TRAF3: variants seen among roughly 807,000 people sequenced by gnomAD.
TRAF3 encodes the protein TNF receptor-associated factor 3.
TRAF3 carries 13 observed loss-of-function variants against 62.3 expected under a neutral mutation model. The ratio of observed to expected loss-of-function variants is 0.21; its 90% CI spans 0.14 to 0.33. TRAF3 has a LOEUF of 0.33. Among genes scored for constraint, TRAF3 ranks in the 10% least tolerant of loss-of-function variants. TRAF3 has a pLI of 1.00. For synonymous variants in TRAF3, 269 were observed against 283.4 expected (o/e 0.95, Z 0.51); for missense variants, 440 against 741.8 (o/e 0.59, Z 4.73).
At chr14:102,879,712 T>C (rs924265176) in intron 6 of TRAF3, among the ~76,000 whole-genome samples, 2 of 150,146 alleles carry the variant, frequency 1.3e-5, no homozygotes, top group Admixed American at 1.3e-4. Context: ...ACCAACTAAA[T>C]ACTTTATAAT....
At chr14:102,811,550 GT>G (rs35064640) in intron 1 of TRAF3, among the ~76,000 whole-genome samples, 12,581 of 79,638 alleles carry the variant, frequency 0.16, 358 homozygotes, top group Admixed American at 0.2. Flanking sequence ...GCTGTAGGCG[GT>G]TTTTTTTTTT....
rs1476303533 is a variant in TRAF3, at chr14:102,907,903, C to T, written c.*2119C>T. On this transcript the variant is annotated 3_prime_UTR_variant, in exon 12 of 12. Coordinates refer to ENST00000392745, the MANE Select transcript of TRAF3 (RefSeq NM_145725.3). ...TGTGAGGGAGTCGTGTGTCCCTGCTCATAAAGGAAGGACTTCCTGCAGAAG... is the reference window on the plus strand; with the variant it reads ...TGTGAGGGAGTCGTGTGTCCCTGCTTATAAAGGAAGGACTTCCTGCAGAAG... 1 of 152,258 alleles carries T rather than the reference C, an allele frequency of 6.6e-6. No individual in the cohort carries two copies. Among genetic ancestry groups the T allele is most frequent in the Non-Finnish European group, 1.5e-5 (1 of 68,052 alleles). The allele number at this position is 152,258 out of a possible 1,614,324, so 9.4% of individuals were successfully genotyped here.
rs533799890 is a variant in TRAF3 at position 102,899,978 on chromosome 14, G to T, written c.960+2577G>T. ...GCGGATCATGAGGTCAGGAGATCGA[G>T]ACCATCCTGGCTAACACGGTGAAAC... On this transcript the variant is annotated intron_variant, in intron 10 of 11. Transcript: ENST00000392745. 5.3e-5 allele frequency among the ~76,000 whole-genome samples: 8 copies of T among 151,958 alleles called. No individual in the cohort carries two copies. The South Asian group carries it at 1.7e-3, about 32-fold the overall frequency.
chr14:102,852,917 A>G (rs1887132423), intron 2 of TRAF3, among the ~76,000 whole-genome samples: 1 of 151,692 alleles, frequency 6.6e-6, no homozygotes, highest in African/African-American at 2.4e-5. Context: ...TTTTTGAGAC[A>G]GAGTCTCACT....
intron 2 of TRAF3, 39 bp from the exon 3 acceptor site, chr14:102,870,146 G>T (rs1338308524): frequency 6.2e-7 from 1 of 1,613,538 alleles, no homozygotes; most frequent in African/African-American, 1.3e-5. Flanking sequence ...TTCCTTGCAT[G>T]AGAGGATATG....
At chr14:102,827,943 C>T (rs1434723108) in intron 1 of TRAF3, among the ~76,000 whole-genome samples, 1 of 152,210 alleles carries the variant, frequency 6.6e-6, no homozygotes, top group African/African-American at 2.4e-5. Context: ...CCCAGGAGCC[C>T]CTCAGCAGGG....
chr14:102,799,328 C>G (rs1417333599), intron 1 of TRAF3, among the ~76,000 whole-genome samples: 1 of 152,204 alleles, frequency 6.6e-6, no homozygotes, highest in Admixed American at 6.5e-5. Flanking sequence ...CTTAGCATCT[C>G]GTGAGCATAA....
rs1013894639 is a variant in TRAF3 at position 102,903,657 on chromosome 14, G to A, written c.1135+228G>A. 46 of 691,934 alleles carry A rather than the reference G, an allele frequency of 6.6e-5. No homozygotes were observed. Among genetic ancestry groups the A allele is most frequent in the Middle Eastern group, 2.4e-4 (1 of 4,224 alleles). The allele number at this position is 691,934 out of a possible 1,614,324, so 42.9% of individuals were successfully genotyped here. A position where few individuals can be genotyped will look rare whatever the true frequency, so the allele number is the denominator to read the frequency against. ...CCCTCCGTGTGAGGCCCTACATGGT[G>A]TAGAAAGTAGGGGCAGCTGCAGCCA... On this transcript the variant is annotated intron_variant, in intron 11 of 11. Transcript: ENST00000392745. The surrounding 1 kb of genome is among the most constrained non-coding windows in gnomAD (Gnocchi z 6.4).
chr14:102,862,672 C>T (rs1051743295), intron 2 of TRAF3, among the ~76,000 whole-genome samples: 5 of 152,244 alleles, frequency 3.3e-5, no homozygotes, highest in Admixed American at 6.5e-5. Flanking sequence ...CAGGACTTTT[C>T]TACCATTATT....
intron 2 of TRAF3, among the ~76,000 whole-genome samples, chr14:102,834,479 A>C (rs980803802): frequency 6.6e-6 from 1 of 152,006 alleles, no homozygotes; most frequent in Admixed American, 6.5e-5. Context: ...TGGGTGGATC[A>C]TGAGGTCAGG....
At position 102,905,704 on chromosome 14, in the gene TRAF3, C is replaced by A; in HGVS notation, c.1627C>A (p.Leu543Ile). The A allele has an allele frequency of 6.2e-7, 1 of 1,612,416 alleles. No homozygotes were observed. The highest frequency in any genetic ancestry group is 1.3e-5 in the African/African-American group (1 of 74,972). ...CCCAGTCTTTGTGGCCCAAACTGTT[C>A]TAGAAAATGGGACATATATTAAAGA... ...GCPVFVAQTV[L>I]ENGTYIKDDT... The change falls in exon 12 of 12, where the codon CTA (leucine) becomes ATA (isoleucine). Residue 543 changes from leucine (L) to isoleucine (I), a missense_variant. Leu to Ile is a conservative substitution (Grantham distance 5). Coordinates refer to ENST00000392745, the MANE Select transcript of TRAF3 (RefSeq NM_145725.3).
intron 1 of TRAF3, among the ~76,000 whole-genome samples, chr14:102,788,844 G>A (rs1321239245): frequency 6.6e-6 from 1 of 152,100 alleles, no homozygotes; most frequent in South Asian, 2.1e-4. Context: ...GCTTGAGCCT[G>A]TATGTAGTCC....
chr14:102,858,025 C>T (rs371557091), intron 2 of TRAF3, among the ~76,000 whole-genome samples: 4 of 152,234 alleles, frequency 2.6e-5, no homozygotes, highest in South Asian at 2.1e-4. Flanking sequence ...TGATCAGCAA[C>T]GTTTTAAGCA....
At chr14:102,884,918 T>A (rs1273622971) in intron 6 of TRAF3, among the ~76,000 whole-genome samples, 1 of 152,174 alleles carries the variant, frequency 6.6e-6, no homozygotes, top group Non-Finnish European at 1.5e-5. Context: ...TGCCAAAGAT[T>A]GTGCGATAGA....
chr14:102,910,857 C>T lies in TRAF3; in HGVS notation c.*5073C>T, dbSNP rs1037208471. On this transcript the variant is annotated 3_prime_UTR_variant, in exon 12 of 12. Transcript: ENST00000392745. ...TGATGACTGGATTTGACAACTTAGTCCCCTCAGACAAGTAAGATACCCTCC... is the reference window on the plus strand; with the variant it reads ...TGATGACTGGATTTGACAACTTAGTTCCCTCAGACAAGTAAGATACCCTCC... 6.6e-6 allele frequency: 1 copy of T among 152,200 alleles called. No individual in the cohort carries two copies. Among genetic ancestry groups the T allele is most frequent in the African/African-American group, 2.4e-5 (1 of 41,444 alleles). The allele number at this position is 152,200 out of a possible 1,614,324, so 9.4% of individuals were successfully genotyped here. A position where few individuals can be genotyped will look rare whatever the true frequency, so the allele number is the denominator to read the frequency against.
intron 1 of TRAF3, among the ~76,000 whole-genome samples, chr14:102,808,202 G>A (rs1898891298): frequency 6.6e-6 from 1 of 152,100 alleles, no homozygotes; most frequent in Admixed American, 6.5e-5. Flanking sequence ...GTTTCGCAAT[G>A]GAGATGGATG....
chr14:102,783,897 A>G (rs1278613111), intron 1 of TRAF3, among the ~76,000 whole-genome samples: 1 of 152,212 alleles, frequency 6.6e-6, no homozygotes, highest in African/African-American at 2.4e-5. Context: ...CACCAGGGAC[A>G]TCACTTGCTT....
At position 102,870,196 on chromosome 14, in the gene TRAF3, C is replaced by T. The variant is rs190521973; in HGVS notation, c.-6C>T. The T allele has an allele frequency of 6.2e-7, 1 of 1,614,128 alleles. No homozygotes were observed. The highest frequency in any genetic ancestry group is 1.1e-5 in the South Asian group (1 of 91,070). ...TTTTTTCCCGACAGAACTCCTCTTT[C>T]CTAAAATGGAGTCGAGTAAAAAGAT... On this transcript the variant is annotated 5_prime_UTR_variant, in exon 3 of 12. Transcript: ENST00000392745.
intron 6 of TRAF3, among the ~76,000 whole-genome samples, chr14:102,884,313 C>T (rs1392795657): frequency 6.6e-6 from 1 of 152,088 alleles, no homozygotes; most frequent in Non-Finnish European, 1.5e-5. Context: ...AGGGTCTGCC[C>T]GACGCCAGGG....
Sources: gnomAD v4.1 joint callset for allele counts (sites outside exome capture counted in the v4.1 genomes callset) on GRCh38, gnomAD v4.1.1 for gene constraint, Gnocchi (gnomAD v3.1) non-coding constraint, MANE v1.5 for transcripts, NCBI Gene and HGNC (gene_info 2026-07-23, HGNC 2026-07-21) for gene names.